Variants in POFUT3 observed in about 807,000 individuals in gnomAD.
POFUT3 encodes GDP-fucose protein O-fucosyltransferase 3.
At chr8:33,408,779 T>A in the POFUT3 span, among the ~76,000 whole-genome samples, 1 of 151,926 alleles carries the variant, frequency 6.6e-6, no homozygotes, top group Non-Finnish European at 1.5e-5. Context: ...CAGGTCAGTG[T>A]TTTTTGGGGG....
the POFUT3 span, among the ~76,000 whole-genome samples, chr8:33,424,360 C>T: frequency 1.3e-5 from 2 of 152,144 alleles, no homozygotes; most frequent in African/African-American, 2.4e-5. Context: ...CCTACTTCTT[C>T]CCTGTGTCCC....
At chr8:33,417,098 G>A in the POFUT3 span, among the ~76,000 whole-genome samples, 95 of 152,158 alleles carry the variant, frequency 6.2e-4, 1 homozygote, top group African/African-American at 2.0e-3. Context: ...TCTGAGCTCC[G>A]CCTCCTGTCA....
chr8:33,394,484 C>A, the POFUT3 span, among the ~76,000 whole-genome samples: 71 of 152,264 alleles, frequency 4.7e-4, no homozygotes, highest in African/African-American at 1.5e-3. Context: ...TAAGGACCTG[C>A]CACTTAGCAA....
the POFUT3 span, among the ~76,000 whole-genome samples, chr8:33,388,142 A>C: frequency 3.3e-5 from 5 of 152,098 alleles, no homozygotes; most frequent in African/African-American, 4.8e-5. Flanking sequence ...GTTTCTCTCT[A>C]TATTAATAAG....
At chr8:33,325,454 C>G in the POFUT3 span, among the ~76,000 whole-genome samples, 1 of 152,164 alleles carries the variant, frequency 6.6e-6, no homozygotes, top group Non-Finnish European at 1.5e-5. Context: ...TGCTTGAATG[C>G]TCCCAAGTGG....
chr8:33,406,606 T>A, the POFUT3 span, among the ~76,000 whole-genome samples: 34 of 149,652 alleles, frequency 2.3e-4, no homozygotes, highest in Middle Eastern at 3.5e-3. Flanking sequence ...TAATTTTTAA[T>A]TTTTTTTTTA....
At chr8:33,459,673 A>T in the POFUT3 span, among the ~76,000 whole-genome samples, 1 of 151,866 alleles carries the variant, frequency 6.6e-6, no homozygotes, top group South Asian at 2.1e-4. Context: ...GTGGATTTTG[A>T]AATGGATGGC....
chr8:33,432,395 G>T, the POFUT3 span, among the ~76,000 whole-genome samples: 12 of 148,156 alleles, frequency 8.1e-5, no homozygotes, highest in African/African-American at 2.7e-4. Context: ...CAATAAAAGC[G>T]AGACTCTGTC....
chr8:33,320,603 A>T, the POFUT3 span, among the ~76,000 whole-genome samples: 2 of 152,082 alleles, frequency 1.3e-5, no homozygotes, highest in African/African-American at 4.8e-5. Context: ...TTCGGTTGAG[A>T]TCTGTCACGT....
the POFUT3 span, chr8:33,389,210 A>G: frequency 3.1e-6 from 5 of 1,614,048 alleles, no homozygotes; most frequent in African/African-American, 1.3e-5. Context: ...TGATACAAGA[A>G]TAGCACTTTT....
the POFUT3 span, among the ~76,000 whole-genome samples, chr8:33,329,541 TG>T: frequency 6.6e-6 from 1 of 152,332 alleles, no homozygotes; most frequent in East Asian, 1.9e-4. Context: ...ATGACACAAC[TG>T]CTCAATACTG....
At chr8:33,407,029 C>A in the POFUT3 span, among the ~76,000 whole-genome samples, 4 of 152,184 alleles carry the variant, frequency 2.6e-5, no homozygotes, top group South Asian at 4.1e-4. Context: ...CACAGATAAA[C>A]TTCAAAACCA....
chr8:33,420,216 AAAATT>A, the POFUT3 span, among the ~76,000 whole-genome samples: 1 of 152,254 alleles, frequency 6.6e-6, no homozygotes, highest in Admixed American at 6.5e-5. Flanking sequence ...CTGTTAAAAT[AAAATT>A]AATGATAAGT....
At chr8:33,341,516 G>A in the POFUT3 span, among the ~76,000 whole-genome samples, 50 of 150,170 alleles carry the variant, frequency 3.3e-4, no homozygotes, top group Non-Finnish European at 6.7e-4. Context: ...TTTCAGTAAA[G>A]AGGAAGGCTC....
the POFUT3 span, chr8:33,377,538 C>T: frequency 1.1e-4 from 16 of 152,310 alleles, no homozygotes; most frequent in East Asian, 2.9e-3. Context: ...TGCCTTCCCA[C>T]TCAGGAGAGG....
chr8:33,441,857 G>T, the POFUT3 span, among the ~76,000 whole-genome samples: 1 of 152,160 alleles, frequency 6.6e-6, no homozygotes, highest in South Asian at 2.1e-4. Flanking sequence ...ATTTCCAAAG[G>T]CCTCAATTGC....
At chr8:33,330,533 G>C in the POFUT3 span, among the ~76,000 whole-genome samples, 462 of 152,236 alleles carry the variant, frequency 3.0e-3, 2 homozygotes, top group African/African-American at 0.011. Flanking sequence ...AGCTGGAAAA[G>C]TGCCTCACAC....
the POFUT3 span, chr8:33,372,857 A>T: frequency 1.3e-6 from 2 of 1,522,684 alleles, no homozygotes; most frequent in African/African-American, 2.7e-5. Flanking sequence ...ATGAAGCACA[A>T]TTCCCTTAAA....
chr8:33,467,255 G>T, the POFUT3 span, among the ~76,000 whole-genome samples: 2 of 124,260 alleles, frequency 1.6e-5, no homozygotes, highest in South Asian at 2.5e-4. Flanking sequence ...CCTGGGCGAC[G>T]GAGCGAGACT....
Sources: gnomAD v4.1 joint callset for allele counts (sites outside exome capture counted in the v4.1 genomes callset) on GRCh38, gnomAD v4.1.1 for gene constraint, MANE v1.5 for transcripts, NCBI Gene and HGNC (gene_info 2026-07-23, HGNC 2026-07-21) for gene names.